ARFGEF1: variants seen among roughly 807,000 people sequenced by gnomAD.
ARFGEF1 encodes the protein ARF guanine nucleotide exchange factor 1.
Under a neutral mutation model 231.0 loss-of-function variants are expected in ARFGEF1, and 42 were observed. The ratio of observed to expected loss-of-function variants is 0.18; its 90% CI spans 0.14 to 0.24. The LOEUF (loss-of-function observed/expected upper bound fraction) is 0.24, where lower values mean the gene tolerates loss of function less well. Ranked by LOEUF, ARFGEF1 falls within the 10% of genes least tolerant of loss-of-function variation. The probability of loss-of-function intolerance (pLI) is 1.00; values close to 1 mark genes in which losing one functional copy is unlikely to be tolerated. For missense variants in ARFGEF1, 1,345 were observed against 2,192.0 expected, an observed-to-expected ratio of 0.61 and a Z score of 7.72; for synonymous variants, 710 against 732.3, an observed-to-expected ratio of 0.97 and a Z score of 0.49.
rs752860157 is a variant in ARFGEF1, at chr8:67,288,020, C to A, written c.962G>T (p.Cys321Phe). The A allele has an allele frequency of 1.2e-6, 2 of 1,608,138 alleles. No homozygotes were observed. Among genetic ancestry groups the A allele is most frequent in the African/African-American group, 2.7e-5 (2 of 74,688 alleles). The change falls in exon 7 of 39, where the codon TGT (cysteine) becomes TTT (phenylalanine). Residue 321 changes from cysteine to phenylalanine, a missense_variant. This residue lies in a region of ARFGEF1 where 398 missense variants were observed against 463.2 expected (regional missense o/e 0.86). Transcript: ENST00000262215. ...EVLYDGENHDCEEKPQDIVQN... is the reference protein window; with the variant it reads ...EVLYDGENHDFEEKPQDIVQN... The stretch of plus-strand genomic sequence containing the variant: ...TACAATGTCTTGTGGCTTTTCCTCA[C>A]AATCATGGTTTTCTCCGTCATATAA...
chr8:67,285,510 T>G (rs1805719479), intron 7 of ARFGEF1, among the ~76,000 whole-genome samples: 1 of 151,970 alleles, frequency 6.6e-6, no homozygotes, highest in African/African-American at 2.4e-5. Flanking sequence ...GAGCAAGACC[T>G]TATCTTGGGG....
intron 19 of ARFGEF1, among the ~76,000 whole-genome samples, chr8:67,244,219 G>C (rs1386267222): frequency 7.3e-6 from 1 of 136,900 alleles, no homozygotes; most frequent in Non-Finnish European, 1.5e-5. Context: ...CTCCAGCCTG[G>C]GCGACAAAGC....
At position 67,301,446 on chromosome 8, in the gene ARFGEF1, A is replaced by G. The variant is rs192924202; in HGVS notation, c.156-66T>C. The G allele has an allele frequency of 1.4e-4, 212 of 1,474,568 alleles. No individual in the cohort carries two copies. The African/African-American group carries it at 2.8e-3, about 20-fold the overall frequency. The allele number at this position is 1,474,568 out of a possible 1,614,324, so 91.3% of individuals were successfully genotyped here. ...TATAATATTGATAATAAACCCATGT[A>G]GAAACACAGAATTTCAGTTCTAAAA... On this transcript the variant is annotated intron_variant, in intron 2 of 38. Transcript: ENST00000262215.
chr8:67,203,022 G>A, intron 36 of ARFGEF1, 61 bp downstream of exon 36: 1 of 1,531,838 alleles, frequency 6.5e-7, no homozygotes, highest in Non-Finnish European at 8.9e-7. Context: ...TCTGAGACCT[G>A]TATGTACCTG....
chr8:67,214,739 C>T (rs925066744), intron 33 of ARFGEF1, among the ~76,000 whole-genome samples: 2 of 152,048 alleles, frequency 1.3e-5, no homozygotes, highest in African/African-American at 4.8e-5. Flanking sequence ...TACAGAAGAC[C>T]CACAAGGATT....
chr8:67,185,104 CA>C (rs562540567), intron 5 of ARFGEF1, among the ~76,000 whole-genome samples: 2,555 of 121,888 alleles, frequency 0.021, 68 homozygotes, highest in African/African-American at 0.069. Flanking sequence ...GACTCCGTCT[CA>C]AAAAAAAAAA....
intron 17 of ARFGEF1, 38 bp from the exon 18 acceptor site, chr8:67,253,660 C>A: frequency 1.7e-6 from 2 of 1,167,054 alleles, no homozygotes; most frequent in South Asian, 1.9e-5. Context: ...TAAAAATTAA[C>A]ATAAAGGTTA....
chr8:67,304,656 A>C (rs926798995), intron 1 of ARFGEF1, among the ~76,000 whole-genome samples: 2 of 152,168 alleles, frequency 1.3e-5, no homozygotes, highest in African/African-American at 4.8e-5. Context: ...GTGAAACCCC[A>C]TGAAATACAA....
In ARFGEF1 at chr8:67,198,521, C is replaced by G. The variant is rs1838194982; in HGVS notation, c.*413G>C. The G allele has an allele frequency of 3.0e-6, 3 of 990,454 alleles. No homozygotes were observed. In the African/African-American group the frequency reaches 5.2e-5, roughly 17 times the overall value. The allele number at this position is 990,454 out of a possible 1,614,324, so 61.4% of individuals were successfully genotyped here. On this transcript the variant is annotated 3_prime_UTR_variant, in exon 39 of 39. Transcript: ENST00000262215. ...ACCATGAACAATAATTTCTTCTTCTCTCCCCACTCCCCAATTATAAACATT... is the reference window on the plus strand; with the variant it reads ...ACCATGAACAATAATTTCTTCTTCTGTCCCCACTCCCCAATTATAAACATT...
intron 19 of ARFGEF1, among the ~76,000 whole-genome samples, chr8:67,241,452 T>C (rs910632567): frequency 6.6e-6 from 1 of 152,054 alleles, no homozygotes; most frequent in Non-Finnish European, 1.5e-5. Context: ...CAAGAAGAGA[T>C]ACAAACGGTT....
intron 1 of ARFGEF1, 45 bp downstream of exon 1, chr8:67,343,119 G>GGGGGC: frequency 4.9e-6 from 1 of 205,298 alleles, no homozygotes; most frequent in Non-Finnish European, 6.7e-6. Flanking sequence ...CCCCCTCCCC[G>GGGGGC]CCCCACAACA....
intron 5 of ARFGEF1, among the ~76,000 whole-genome samples, chr8:67,188,308 C>G (rs961388793): frequency 6.6e-6 from 1 of 152,136 alleles, no homozygotes; most frequent in Admixed American, 6.5e-5. Context: ...AAATCTAGGC[C>G]GACTAAGAAT....
In ARFGEF1 at chr8:67,236,364, AAATATATATATATATATATATATAT is replaced by A. The variant is rs1349582174; in HGVS notation, c.3289+1954_3289+1978del. Among the ~76,000 whole-genome samples, 44 of 36,756 alleles carry A rather than the reference AAATATATATATATATATATATATAT, an allele frequency of 1.2e-3. 2 individuals are homozygous for A. The highest frequency in any genetic ancestry group is 4.3e-3 in the African/African-American group (31 of 7,180). The allele number at this position is 36,756 out of a possible 152,430, so 24.1% of individuals were successfully genotyped here. On this transcript the variant is annotated intron_variant, in intron 22 of 38. Transcript: ENST00000262215. ...AGATATTAGTTAAAAAAAAAAAAAA[AAATATATATATATATATATATATAT>A]ATATATATATATATATATATATGTA... is the stretch of plus-strand genomic sequence containing the variant.
chr8:67,228,399 T>TTC, intron 23 of ARFGEF1, 135 bp from the exon 24 acceptor site: 1 of 738,688 alleles, frequency 1.4e-6, no homozygotes, highest in Non-Finnish European at 2.2e-6. Context: ...ATGAGTATTT[T>TTC]TCATCATTTA....
intron 6 of ARFGEF1, among the ~76,000 whole-genome samples, chr8:67,291,418 A>C (rs1156765882): frequency 1.6e-5 from 2 of 126,864 alleles, no homozygotes; most frequent in African/African-American, 3.0e-5. Flanking sequence ...TAATTTCAGT[A>C]CTTTTTTTTT....
chr8:67,297,267 G>A (rs995913104), intron 4 of ARFGEF1, among the ~76,000 whole-genome samples: 12 of 152,166 alleles, frequency 7.9e-5, no homozygotes, highest in Non-Finnish European at 1.5e-4. Flanking sequence ...GATATCTGTT[G>A]AACTAGACCA....
chr8:67,206,649 G>A (rs1320145307), intron 34 of ARFGEF1, among the ~76,000 whole-genome samples: 1 of 152,192 alleles, frequency 6.6e-6, no homozygotes, highest in African/African-American at 2.4e-5. Flanking sequence ...AGCCAATGCA[G>A]CAGCGCAAGG....
At chr8:67,228,460 T>C (rs1839450778) in intron 23 of ARFGEF1, among the ~76,000 whole-genome samples, 196 bp from the exon 24 acceptor site, 1 of 151,920 alleles carries the variant, frequency 6.6e-6, no homozygotes, top group Admixed American at 6.6e-5. Context: ...CCACCTCTAC[T>C]CCATGTGAAC....
At chr8:67,240,427 A>G in intron 19 of ARFGEF1, 137 bp from the exon 20 acceptor site, 1 of 808,542 alleles carries the variant, frequency 1.2e-6, no homozygotes, top group East Asian at 2.9e-5. Flanking sequence ...TCTTAAACAA[A>G]GGGGGAAAAC....
Sources: allele counts gnomAD v4.1 joint callset (sites outside exome capture counted in the v4.1 genomes callset), GRCh38; gene constraint gnomAD v4.1.1; regional missense constraint gnomAD v4.1.1; transcripts MANE v1.5; gene names NCBI Gene and HGNC (gene_info 2026-07-23, HGNC 2026-07-21).